GRID1: variants seen among roughly 807,000 people sequenced by gnomAD.
GRID1 encodes the protein glutamate receptor ionotropic, delta-1.
In GRID1, 28 loss-of-function variants were observed where a neutral mutation model predicts 98.0. That is an observed-to-expected ratio of 0.29 (90% confidence interval 0.21 to 0.39). GRID1 has a LOEUF of 0.39. Ranked by LOEUF, GRID1 falls within the 10% of genes least tolerant of loss-of-function variation. The pLI is 1.00. For synonymous variants in GRID1, 553 were observed against 538.5 expected (o/e 1.03, Z -0.37); for missense variants, 1,111 against 1,340.5 (o/e 0.83, Z 2.67).
At chr10:85,771,153 G>C (rs1489322931) in intron 8 of GRID1, among the ~76,000 whole-genome samples, 5 of 152,226 alleles carry the variant, frequency 3.3e-5, no homozygotes, top group African/African-American at 7.2e-5. Flanking sequence ...CCAGAAGAGA[G>C]TGGGGGCCAA....
intron 8 of GRID1, 100 bp downstream of exon 8, chr10:85,854,396 G>A (rs1430112775): frequency 1.1e-5 from 11 of 1,031,340 alleles, no homozygotes; most frequent in Middle Eastern, 4.5e-4. Context: ...GGATATCTGT[G>A]CTAGTTAACA....
chr10:85,689,459 C>G (rs1186763285), intron 12 of GRID1, among the ~76,000 whole-genome samples: 2 of 146,936 alleles, frequency 1.4e-5, no homozygotes, highest in Non-Finnish European at 3.0e-5. Flanking sequence ...AAAAAAAAAG[C>G]AATAATAAAA....
intron 8 of GRID1, among the ~76,000 whole-genome samples, chr10:85,830,604 C>T (rs552195215): frequency 2.2e-4 from 34 of 151,954 alleles, no homozygotes; most frequent in Admixed American, 1.4e-3. Context: ...CTGTAAGGAA[C>T]TTAAATGAAT....
At chr10:86,061,267 C>T (rs535571021) in intron 4 of GRID1, among the ~76,000 whole-genome samples, 1 of 152,308 alleles carries the variant, frequency 6.6e-6, no homozygotes, top group African/African-American at 2.4e-5. Context: ...AATAACAACT[C>T]CCAGCTCCCA....
chr10:86,229,739 G>A (rs1464816613), intron 2 of GRID1, among the ~76,000 whole-genome samples: 2 of 152,138 alleles, frequency 1.3e-5, no homozygotes, highest in African/African-American at 2.4e-5. Flanking sequence ...CGGGCGTGCG[G>A]GCCAGCCAAG....
intron 2 of GRID1, among the ~76,000 whole-genome samples, chr10:86,280,755 A>C (rs1460269113): frequency 2.0e-5 from 3 of 152,082 alleles, no homozygotes; most frequent in African/African-American, 7.2e-5. Context: ...CTGCCAGCTA[A>C]CTGGATTCAC....
At chr10:85,889,923 C>T (rs907639598) in intron 5 of GRID1, among the ~76,000 whole-genome samples, 1 of 151,946 alleles carries the variant, frequency 6.6e-6, no homozygotes, top group Non-Finnish European at 1.5e-5. Flanking sequence ...TTTAAATTGA[C>T]ACATAATGCA....
chr10:86,353,534 C>T (rs1448695676), intron 2 of GRID1, among the ~76,000 whole-genome samples: 2 of 149,382 alleles, frequency 1.3e-5, no homozygotes, highest in Non-Finnish European at 3.0e-5. Flanking sequence ...GGCCATGTTC[C>T]TCCCGTTCCA....
intron 2 of GRID1, among the ~76,000 whole-genome samples, chr10:86,214,930 C>T (rs1285424179): frequency 6.6e-6 from 1 of 152,206 alleles, no homozygotes; most frequent in Non-Finnish European, 1.5e-5. Flanking sequence ...GTCCAGATTT[C>T]GTGGGTGAGA....
intron 3 of GRID1, among the ~76,000 whole-genome samples, chr10:86,167,178 G>A (rs1845411600): frequency 6.6e-6 from 1 of 152,210 alleles, no homozygotes; most frequent in Non-Finnish European, 1.5e-5. Flanking sequence ...TCTATTGGGG[G>A]ACCAAGGAGC....
intron 8 of GRID1, among the ~76,000 whole-genome samples, chr10:85,808,522 G>A (rs1368664531): frequency 1.3e-5 from 2 of 152,166 alleles, no homozygotes; most frequent in African/African-American, 2.4e-5. Flanking sequence ...AGGTCACAAA[G>A]TTCTGGAAAT....
At chr10:86,359,787 C>A (rs1848578250) in intron 2 of GRID1, among the ~76,000 whole-genome samples, 1 of 152,216 alleles carries the variant, frequency 6.6e-6, no homozygotes, top group Non-Finnish European at 1.5e-5. Context: ...CCTACTTGAG[C>A]AAGCACTTTA....
intron 4 of GRID1, among the ~76,000 whole-genome samples, chr10:86,065,438 C>T (rs977244711): frequency 2.6e-5 from 4 of 152,260 alleles, no homozygotes; most frequent in Non-Finnish European, 5.9e-5. Flanking sequence ...TACCCCCATC[C>T]TTCCGGCCTT....
chr10:85,949,801 G>T (rs764776049), intron 4 of GRID1, among the ~76,000 whole-genome samples: 14 of 152,286 alleles, frequency 9.2e-5, no homozygotes, highest in East Asian at 1.9e-4. Flanking sequence ...TAGCAAAAAT[G>T]TCTAGTTGTT....
rs140475133 is a variant in GRID1 at position 86,152,445 on chromosome 10, C to T, written c.521-13421G>A. Among the ~76,000 whole-genome samples the T allele has an allele frequency of 3.4e-3, 516 of 152,362 alleles. 2 individuals are homozygous for T. Among genetic ancestry groups the T allele is most frequent in the Middle Eastern group, 0.01 (3 of 294 alleles). On this transcript the variant is annotated intron_variant, in intron 3 of 15. Transcript: ENST00000327946. ...TGAGGCAGAGAAAGGATGACAGCAA[C>T]GGAGACACTGCACTGGAGTGAGCCC... is the stretch of plus-strand genomic sequence containing the variant.
At chr10:85,969,518 T>C (rs1842380837) in intron 4 of GRID1, among the ~76,000 whole-genome samples, 1 of 152,084 alleles carries the variant, frequency 6.6e-6, no homozygotes, top group African/African-American at 2.4e-5. Flanking sequence ...AGAATTAAAG[T>C]AGAAAATCTA....
intron 2 of GRID1, among the ~76,000 whole-genome samples, chr10:86,220,746 G>A (rs1846240463): frequency 6.6e-6 from 1 of 152,168 alleles, no homozygotes; most frequent in Non-Finnish European, 1.5e-5. Context: ...AGTTTTGCAT[G>A]GGCTTTGCTT....
At chr10:86,166,195 T>C (rs1466298899) in intron 3 of GRID1, among the ~76,000 whole-genome samples, 1 of 152,222 alleles carries the variant, frequency 6.6e-6, no homozygotes, top group African/African-American at 2.4e-5. Flanking sequence ...ACATGTGCTA[T>C]GTTGGTGTGC....
intron 8 of GRID1, among the ~76,000 whole-genome samples, chr10:85,756,697 C>T (rs1031600158): frequency 1.3e-5 from 2 of 152,128 alleles, no homozygotes; most frequent in African/African-American, 4.8e-5. Flanking sequence ...ATTTTGGGGC[C>T]ATAGTTGATT....
Sources: gnomAD v4.1 joint callset for allele counts (sites outside exome capture counted in the v4.1 genomes callset) on GRCh38, gnomAD v4.1.1 for gene constraint, MANE v1.5 for transcripts, NCBI Gene and HGNC (gene_info 2026-07-23, HGNC 2026-07-21) for gene names.